ZNF609: variants seen among roughly 807,000 people sequenced by gnomAD.
The protein encoded by ZNF609 is zinc finger protein 609.
Under a neutral mutation model 109.5 loss-of-function variants are expected in ZNF609, and 11 were observed. The ratio of observed to expected loss-of-function variants is 0.10; its 90% CI spans 0.06 to 0.17. The LOEUF is 0.17. Ranked by LOEUF, ZNF609 falls within the 10% of genes least tolerant of loss-of-function variation. The pLI, the probability that ZNF609 is intolerant of heterozygous loss-of-function variation, is 1.00. For synonymous variants in ZNF609, 646 were observed against 662.0 expected (o/e 0.98, Z 0.37); for missense variants, 1,559 against 1,772.4 (o/e 0.88, Z 2.16).
intron 4 of ZNF609, among the ~76,000 whole-genome samples, chr15:64,673,253 C>T (rs1258541988): frequency 6.6e-6 from 1 of 152,074 alleles, no homozygotes; most frequent in African/African-American, 2.4e-5. Context: ...ACTCCAGCTG[C>T]CCCCTGGAAC....
intron 2 of ZNF609, among the ~76,000 whole-genome samples, chr15:64,610,473 C>T (rs759277804): frequency 7.2e-5 from 11 of 152,186 alleles, no homozygotes; most frequent in Non-Finnish European, 1.3e-4. Flanking sequence ...TACCCCTGAA[C>T]TTAAAAGTTA....
intron 1 of ZNF609, among the ~76,000 whole-genome samples, chr15:64,482,919 C>T (rs915014889): frequency 1.3e-5 from 2 of 152,202 alleles, no homozygotes; most frequent in Non-Finnish European, 2.9e-5. Context: ...ACAGTCCCTT[C>T]GGTTCTAAAA....
intron 2 of ZNF609, among the ~76,000 whole-genome samples, chr15:64,606,702 C>G (rs997563889): frequency 3.3e-5 from 5 of 152,132 alleles, no homozygotes; most frequent in Non-Finnish European, 7.4e-5. Context: ...TGAGCTACCA[C>G]TTCTGCCAAG....
chr15:64,606,774 A>G (rs1327824895), intron 2 of ZNF609, among the ~76,000 whole-genome samples: 1 of 151,492 alleles, frequency 6.6e-6, no homozygotes, highest in East Asian at 1.9e-4. Flanking sequence ...AGGCCGAGGC[A>G]GGAGGATCAC....
In ZNF609 at chr15:64,641,165, A is replaced by G. The variant is rs561170680; in HGVS notation, c.973+18113A>G. 5.4e-5 allele frequency among the ~76,000 whole-genome samples: 8 copies of G among 147,994 alleles called. No homozygotes were observed. The South Asian group carries it at 8.5e-4, about 16-fold the overall frequency. On this transcript the variant is annotated intron_variant, in intron 3 of 9. Coordinates refer to ENST00000326648, the MANE Select transcript of ZNF609 (RefSeq NM_015042.2). ...TGAAATTCTGTTGAGAGAAAATACTATGGTCATGTGAAAATGGTTCCAGGA... is the reference window on the plus strand; with the variant it reads ...TGAAATTCTGTTGAGAGAAAATACTGTGGTCATGTGAAAATGGTTCCAGGA...
chr15:64,665,329 C>T (rs1321370101), intron 3 of ZNF609, among the ~76,000 whole-genome samples: 1 of 152,192 alleles, frequency 6.6e-6, no homozygotes, highest in Non-Finnish European at 1.5e-5. Flanking sequence ...AAAGATCTGA[C>T]CACTAATAGT....
At chr15:64,666,191 CAAAACCAG>C (rs1487656536) in intron 3 of ZNF609, among the ~76,000 whole-genome samples, 2 of 151,764 alleles carry the variant, frequency 1.3e-5, no homozygotes, top group Admixed American at 1.3e-4. Flanking sequence ...GCCAGGAGTT[CAAAACCAG>C]CCTGGCCAAC....
In ZNF609 at chr15:64,635,864, C is replaced by G. The variant is rs753007204; in HGVS notation, c.973+12812C>G. ...TCCATTTCTCTCTTTAACTCGCTCT[C>G]TCTCTCTCTGACTACTCTGAAACAA... On this transcript the variant is annotated intron_variant, in intron 3 of 9. Transcript: ENST00000326648. Among the ~76,000 whole-genome samples, 33 of 59,962 alleles carry G rather than the reference C, an allele frequency of 5.5e-4. 1 individual carries two copies. Among genetic ancestry groups the G allele is most frequent in the Non-Finnish European group, 1.3e-3 (29 of 21,872 alleles). 39.3% of individuals were successfully genotyped at this position (59,962 alleles called of 152,430 possible). A position where few individuals can be genotyped will look rare whatever the true frequency, so the allele number is the denominator to read the frequency against.
intron 1 of ZNF609, among the ~76,000 whole-genome samples, chr15:64,484,091 C>T (rs1380536261): frequency 1.3e-5 from 2 of 150,438 alleles, no homozygotes; most frequent in African/African-American, 4.9e-5. Flanking sequence ...CTCCAAAGAC[C>T]ATCTTGATGA....
intron 2 of ZNF609, among the ~76,000 whole-genome samples, chr15:64,578,903 T>C (rs1009805969): frequency 2.0e-5 from 3 of 151,914 alleles, no homozygotes; most frequent in Admixed American, 6.6e-5. Flanking sequence ...TAGAGGCTGA[T>C]TGGTGGGTGG....
intron 2 of ZNF609, among the ~76,000 whole-genome samples, chr15:64,574,666 T>C (rs1021961536): frequency 7.9e-5 from 12 of 152,274 alleles, no homozygotes; most frequent in Non-Finnish European, 1.2e-4. Context: ...CCTGCTCTCA[T>C]TGGGATGAGG....
chr15:64,608,828 T>C (rs962697184), intron 2 of ZNF609, among the ~76,000 whole-genome samples: 1 of 151,868 alleles, frequency 6.6e-6, no homozygotes, highest in African/African-American at 2.4e-5. Context: ...AGCCTCAACC[T>C]CCTGGGCCCA....
intron 2 of ZNF609, among the ~76,000 whole-genome samples, chr15:64,588,147 G>A (rs951968657): frequency 4.6e-5 from 7 of 151,220 alleles, no homozygotes; most frequent in African/African-American, 1.5e-4. Context: ...AGAAGGGGAA[G>A]GCCGGGTGCG....
At chr15:64,635,494 G>A (rs1026416467) in intron 3 of ZNF609, among the ~76,000 whole-genome samples, 8 of 152,160 alleles carry the variant, frequency 5.3e-5, no homozygotes, top group Admixed American at 6.5e-5. Context: ...GAGGAGGTTG[G>A]ACTACATGAT....
rs754254516 is a variant in ZNF609, at chr15:64,678,243, C to G, written c.3530C>G (p.Ser1177Cys). 1.9e-6 allele frequency: 3 copies of G among 1,614,042 alleles called. No individual in the cohort carries two copies. Among genetic ancestry groups the G allele is most frequent in the Non-Finnish European group, 2.5e-6 (3 of 1,180,040 alleles). ...GAGGAAAGGAGTCGGAGTAAGGACTCTGTCCCCAAGGAAGATGGGAAGGAA... is the reference window on the plus strand; with the variant it reads ...GAGGAAAGGAGTCGGAGTAAGGACTGTGTCCCCAAGGAAGATGGGAAGGAA... ...LKEERSRSKD[S>C]VPKEDGKEST... The change falls in exon 6 of 10, where the codon TCT (serine) becomes TGT (cysteine). Residue 1177 changes from serine (S) to cysteine (C), a missense_variant. By Grantham distance (112) the Ser-to-Cys change is moderately radical. This residue lies in a region of ZNF609 where 1,204 missense variants were observed against 1,314.1 expected (regional missense o/e 0.92). Coordinates refer to ENST00000326648, the MANE Select transcript of ZNF609 (RefSeq NM_015042.2).
chr15:64,468,932 C>A (rs1340696422), intron 1 of ZNF609, among the ~76,000 whole-genome samples: 2 of 150,028 alleles, frequency 1.3e-5, no homozygotes, highest in African/African-American at 4.9e-5. Flanking sequence ...GATTGAGAGT[C>A]AGGTTGACAC....
chr15:64,486,373 A>C (rs562018098), intron 1 of ZNF609, among the ~76,000 whole-genome samples: 2 of 152,120 alleles, frequency 1.3e-5, no homozygotes, highest in East Asian at 3.9e-4. Flanking sequence ...AAAATACAAA[A>C]ATTAGCCGGG....
chr15:64,465,853 T>G (rs975034788), intron 1 of ZNF609, among the ~76,000 whole-genome samples: 11 of 151,844 alleles, frequency 7.2e-5, no homozygotes, highest in African/African-American at 2.7e-4. Context: ...CAGTGGCTCA[T>G]GCCTGTAATC....
chr15:64,582,231 G>A (rs1385008961), intron 2 of ZNF609, among the ~76,000 whole-genome samples: 2 of 152,132 alleles, frequency 1.3e-5, no homozygotes, highest in Non-Finnish European at 2.9e-5. Context: ...CAACAGCCAA[G>A]TTGAGTAATT....
Sources: allele counts gnomAD v4.1 joint callset (sites outside exome capture counted in the v4.1 genomes callset), GRCh38; gene constraint gnomAD v4.1.1; regional missense constraint gnomAD v4.1.1; transcripts MANE v1.5; gene names NCBI Gene and HGNC (gene_info 2026-07-23, HGNC 2026-07-21).